KHDRBS2: variants seen among roughly 807,000 people sequenced by gnomAD.
KHDRBS2 encodes KH domain-containing, RNA-binding, signal transduction-associated protein 2.
In KHDRBS2, 26 loss-of-function variants were observed where a neutral mutation model predicts 44.3. The observed-to-expected ratio is 0.59, with a 90% confidence interval of 0.43 to 0.81. The LOEUF (loss-of-function observed/expected upper bound fraction) is 0.81, where lower values mean the gene tolerates loss of function less well. Ranked by LOEUF, KHDRBS2 falls within the 40% of genes least tolerant of loss-of-function variation. KHDRBS2 has a pLI of 0.00. For missense variants in KHDRBS2, 476 were observed against 433.1 expected, an observed-to-expected ratio of 1.10 and a Z score of -0.88; for synonymous variants, 194 against 151.1, an observed-to-expected ratio of 1.28 and a Z score of -2.08.
chr6:62,100,338 T>A (rs368434579), intron 2 of KHDRBS2, among the ~76,000 whole-genome samples: 2 of 152,216 alleles, frequency 1.3e-5, no homozygotes, highest in Non-Finnish European at 2.9e-5. Flanking sequence ...CTGATGAAGA[T>A]TCTGTGAACA....
intron 6 of KHDRBS2, among the ~76,000 whole-genome samples, chr6:61,854,506 C>T (rs866510477): frequency 6.6e-6 from 1 of 152,200 alleles, no homozygotes; most frequent in Middle Eastern, 3.4e-3. Context: ...GAAATCATTA[C>T]AAAATGTTTT....
the KHDRBS2 span, among the ~76,000 whole-genome samples, chr6:61,579,511 G>T: frequency 6.6e-6 from 1 of 152,116 alleles, no homozygotes; most frequent in African/African-American, 2.4e-5. Context: ...TGTTTACTCA[G>T]TAATGCAGAA....
At chr6:61,904,385 T>C (rs1174677439) in intron 4 of KHDRBS2, among the ~76,000 whole-genome samples, 1 of 152,192 alleles carries the variant, frequency 6.6e-6, no homozygotes, top group Non-Finnish European at 1.5e-5. Context: ...GGTTAATTAG[T>C]AGTGTAAGCA....
At chr6:61,898,130 ACAT>A (rs1167265100) in intron 5 of KHDRBS2, among the ~76,000 whole-genome samples, 4 of 152,104 alleles carry the variant, frequency 2.6e-5, no homozygotes, top group Non-Finnish European at 4.4e-5. Flanking sequence ...AATATTCTAG[ACAT>A]CATCTTTTTG....
chr6:61,941,766 T>C (rs1316748689), intron 4 of KHDRBS2, among the ~76,000 whole-genome samples: 1 of 152,282 alleles, frequency 6.6e-6, no homozygotes, highest in Admixed American at 6.5e-5. Context: ...GGAAAAAGTG[T>C]TCTGCTATTA....
the KHDRBS2 span, among the ~76,000 whole-genome samples, chr6:61,585,209 T>TAA: frequency 2.0e-5 from 3 of 150,822 alleles, no homozygotes; most frequent in African/African-American, 7.3e-5. Context: ...GAAAGAGTGA[T>TAA]AAAAAAAAAT....
chr6:61,737,699 A>C (rs1266814806), intron 6 of KHDRBS2, among the ~76,000 whole-genome samples: 4 of 152,070 alleles, frequency 2.6e-5, no homozygotes, highest in African/African-American at 9.7e-5. Flanking sequence ...ACAACCGCAG[A>C]GCCATAAAAG....
At chr6:61,692,101 G>A (rs1767440746) in intron 8 of KHDRBS2, among the ~76,000 whole-genome samples, 1 of 152,082 alleles carries the variant, frequency 6.6e-6, no homozygotes. Context: ...AACTTAGAGA[G>A]TATTTCTTAT....
At chr6:62,041,438 A>G (rs372614403) in intron 3 of KHDRBS2, among the ~76,000 whole-genome samples, 6 of 152,266 alleles carry the variant, frequency 3.9e-5, no homozygotes, top group South Asian at 2.1e-4. Flanking sequence ...ATTCTGGCTT[A>G]TAAATTGTAA....
chr6:61,569,480 C>T, the KHDRBS2 span, among the ~76,000 whole-genome samples: 1 of 152,184 alleles, frequency 6.6e-6, no homozygotes, highest in African/African-American at 2.4e-5. Flanking sequence ...GGCCAGTCAA[C>T]TCAGGCCATT....
At chr6:61,706,104 A>T (rs375222005) in intron 7 of KHDRBS2, among the ~76,000 whole-genome samples, 79 of 151,790 alleles carry the variant, frequency 5.2e-4, no homozygotes, top group African/African-American at 1.9e-3. Flanking sequence ...AACTCTAAAC[A>T]GCTACCTCCT....
the KHDRBS2 span, among the ~76,000 whole-genome samples, chr6:61,638,660 T>C: frequency 6.6e-6 from 1 of 152,164 alleles, no homozygotes; most frequent in East Asian, 1.9e-4. Context: ...ACTTTGATAA[T>C]TGAGCTGTCA....
the KHDRBS2 span, among the ~76,000 whole-genome samples, chr6:61,587,658 A>G: frequency 3.3e-5 from 5 of 152,142 alleles, no homozygotes; most frequent in African/African-American, 1.2e-4. Flanking sequence ...AGGCCAAAAA[A>G]AATGATATTT....
At chr6:62,125,592 C>G (rs1374638446) in intron 2 of KHDRBS2, among the ~76,000 whole-genome samples, 1 of 152,164 alleles carries the variant, frequency 6.6e-6, no homozygotes, top group Non-Finnish European at 1.5e-5. Context: ...CTTCTTTCCA[C>G]TTGAAGAGAG....
intron 4 of KHDRBS2, among the ~76,000 whole-genome samples, chr6:61,950,806 C>A (rs569142131): frequency 6.6e-6 from 1 of 152,048 alleles, no homozygotes; most frequent in Admixed American, 6.6e-5. Flanking sequence ...GGTTGTATTT[C>A]TTTATGTATA....
intron 2 of KHDRBS2, among the ~76,000 whole-genome samples, chr6:62,052,485 G>T (rs1348528712): frequency 1.3e-5 from 2 of 151,394 alleles, no homozygotes; most frequent in Admixed American, 6.6e-5. Context: ...GTAAGTCAGA[G>T]GATAAAATGT....
intron 6 of KHDRBS2, among the ~76,000 whole-genome samples, chr6:61,872,837 T>G (rs1480767296): frequency 6.6e-6 from 1 of 152,064 alleles, no homozygotes; most frequent in East Asian, 1.9e-4. Context: ...TATTGGCTTA[T>G]AGAAAGAAAA....
chr6:61,771,094 T>A lies in KHDRBS2; in HGVS notation c.811-38330A>T, dbSNP rs1341818309. On this transcript the variant is annotated intron_variant, in intron 6 of 8. Transcript: ENST00000281156. The stretch of plus-strand genomic sequence containing the variant: ...TCATATCCAGCCAAACTAAGCTTCA[T>A]AAGTGAAGGAGAAATAAAATACTTT... 2.0e-5 allele frequency among the ~76,000 whole-genome samples: 3 copies of A among 152,106 alleles called. No individual in the cohort carries two copies. The East Asian group carries it at 5.8e-4, about 29-fold the overall frequency.
chr6:61,633,403 T>C, the KHDRBS2 span, among the ~76,000 whole-genome samples: 1 of 152,072 alleles, frequency 6.6e-6, no homozygotes, highest in East Asian at 1.9e-4. Context: ...TATTGAACAA[T>C]TTACAGATGC....
Sources: gnomAD v4.1 joint callset for allele counts (sites outside exome capture counted in the v4.1 genomes callset) on GRCh38, gnomAD v4.1.1 for gene constraint, MANE v1.5 for transcripts, NCBI Gene and HGNC (gene_info 2026-07-23, HGNC 2026-07-21) for gene names.